SHPRH: variants seen among roughly 807,000 people sequenced by gnomAD.
SHPRH encodes the protein E3 ubiquitin-protein ligase SHPRH.
SHPRH carries 106 observed loss-of-function variants against 202.5 expected under a neutral mutation model. That is an observed-to-expected ratio of 0.52 (90% CI 0.45 to 0.62). The LOEUF (loss-of-function observed/expected upper bound fraction) is 0.62, where lower values mean the gene tolerates loss of function less well. SHPRH is among the 20% of genes least tolerant of loss of function. The pLI, the probability that SHPRH is intolerant of heterozygous loss-of-function variation, is 0.00. For synonymous variants in SHPRH, 729 were observed against 686.0 expected, an observed-to-expected ratio of 1.06 and a Z score of -0.98; for missense variants, 1,710 against 2,020.0, an observed-to-expected ratio of 0.85 and a Z score of 2.94.
chr6:145,867,679 G>A (rs1779863531), intron 2 of SHPRH, among the ~76,000 whole-genome samples: 1 of 130,780 alleles, frequency 7.6e-6, no homozygotes, highest in Admixed American at 7.9e-5. Flanking sequence ...GAGAGGTGAA[G>A]GAAGATTTGA....
intron 25 of SHPRH, chr6:145,908,826 T>C (rs534835072): frequency 6.6e-6 from 1 of 152,324 alleles, no homozygotes; most frequent in East Asian, 1.9e-4. Flanking sequence ...TCTTTGTCCA[T>C]GCCTACGTCC....
intron 25 of SHPRH, chr6:145,906,345 C>T (rs1282049540): frequency 6.6e-6 from 1 of 152,202 alleles, no homozygotes. Flanking sequence ...ATCTTTTCTT[C>T]TCCACCTCAC....
intron 1 of SHPRH, among the ~76,000 whole-genome samples, chr6:145,958,276 A>T (rs958076641): frequency 6.6e-6 from 1 of 152,230 alleles, no homozygotes; most frequent in African/African-American, 2.4e-5. Context: ...TATATACTTT[A>T]AATTGAATTT....
At chr6:145,883,680 T>G (rs1780755533), downstream of SHPRH, 1 of 152,240 alleles carries the variant, frequency 6.6e-6, no homozygotes, top group Admixed American at 6.5e-5. Flanking sequence ...TGAAGAAGTC[T>G]TACTGACTAG....
In SHPRH at chr6:145,943,419, GGT is replaced by G. The variant is rs755413069; in HGVS notation, c.1960_1961del (p.Thr654LeufsTer2). On this transcript the variant is annotated frameshift_variant, in exon 9 of 30. Coordinates refer to ENST00000275233, the MANE Select transcript of SHPRH (RefSeq NM_001042683.3). LOFTEE classifies it high-confidence loss of function. ...PPSNTMSPFN[T>X]SDYRFECICG... is the part of the protein sequence containing the mutation. ...ATATACACTCAAAGCGGTAATCAGAGGTGTTAAAGGGACTCATGGTATTAGAA... is the reference window on the plus strand; with the variant it reads ...ATATACACTCAAAGCGGTAATCAGAGGTTAAAGGGACTCATGGTATTAGAA... 6.2e-7 allele frequency: 1 copy of G among 1,613,988 alleles called. No homozygotes were observed. The highest frequency in any genetic ancestry group is 8.5e-7 in the Non-Finnish European group (1 of 1,179,954).
chr6:145,924,112 C>A (rs1270091120), intron 17 of SHPRH, among the ~76,000 whole-genome samples: 1 of 151,928 alleles, frequency 6.6e-6, no homozygotes, highest in Non-Finnish European at 1.5e-5. Context: ...GTGAAAAGGT[C>A]ACAGGTCTCT....
intron 21 of SHPRH, among the ~76,000 whole-genome samples, chr6:145,919,983 G>T (rs1435996882): frequency 6.6e-6 from 1 of 151,934 alleles, no homozygotes; most frequent in Non-Finnish European, 1.5e-5. Flanking sequence ...CAACCATGGG[G>T]CAACCACTAT....
chr6:145,900,655 A>G (rs763953774), intron 25 of SHPRH, among the ~76,000 whole-genome samples: 6 of 152,128 alleles, frequency 3.9e-5, no homozygotes, highest in Non-Finnish European at 7.4e-5. Context: ...TAGGATCCCC[A>G]TTGGATATCA....
chr6:145,940,249 A>G (rs1165991016), intron 11 of SHPRH, among the ~76,000 whole-genome samples: 2 of 152,184 alleles, frequency 1.3e-5, no homozygotes, highest in Non-Finnish European at 2.9e-5. Flanking sequence ...AATAACTTAT[A>G]TAATTACTAA....
intron 22 of SHPRH, 103 bp downstream of exon 22, chr6:145,919,245 C>CTT: frequency 6.8e-7 from 1 of 1,462,674 alleles, no homozygotes; most frequent in Admixed American, 2.0e-5. Flanking sequence ...TAAATACACA[C>CTT]TTACAGTAGA....
intron 25 of SHPRH, chr6:145,907,927 C>CAA (rs1783120245): frequency 1.3e-5 from 2 of 152,168 alleles, no homozygotes; most frequent in Non-Finnish European, 2.9e-5. Context: ...TACTCCCCTG[C>CAA]CCCAACAAGC....
the SHPRH span, among the ~76,000 whole-genome samples, chr6:145,858,251 G>C: frequency 6.6e-6 from 1 of 152,046 alleles, no homozygotes; most frequent in Non-Finnish European, 1.5e-5. Flanking sequence ...TTTACACAAA[G>C]ACTTATTCAT....
chr6:145,935,362 A>G lies in SHPRH; in HGVS notation c.2649T>C (p.Pro883=). ...GATGCTGAGGATTCTTCTTGCAGTA[A>G]GGCCGATAGAGAAGTCGAACCCACC... is the stretch of plus-strand genomic sequence containing the variant. ...KHWWVRLLYR[P]YCKKNPQHLY... is the part of the protein sequence containing the mutation. The change falls in exon 12 of 30, where the codon CCT becomes CCC. Residue 883 remains proline, a synonymous_variant. Coordinates refer to ENST00000275233, the MANE Select transcript of SHPRH (RefSeq NM_001042683.3). 1 of 1,614,062 alleles carries G rather than the reference A, an allele frequency of 6.2e-7. No homozygotes were observed. Among genetic ancestry groups the G allele is most frequent in the Non-Finnish European group, 8.5e-7 (1 of 1,179,992 alleles).
At chr6:145,883,636 G>A (rs1780751753), downstream of SHPRH, 1 of 152,194 alleles carries the variant, frequency 6.6e-6, no homozygotes, top group Non-Finnish European at 1.5e-5. Context: ...CTTGTAAACA[G>A]AAAATTTTAT....
At chr6:145,880,398 G>A (rs1780507003), downstream of SHPRH, among the ~76,000 whole-genome samples, 1 of 152,102 alleles carries the variant, frequency 6.6e-6, no homozygotes, top group Non-Finnish European at 1.5e-5. Context: ...GGAGGCTGAG[G>A]CAGGAGGATC....
At chr6:145,931,677 T>C (rs1045546119) in intron 14 of SHPRH, among the ~76,000 whole-genome samples, 5 of 152,124 alleles carry the variant, frequency 3.3e-5, no homozygotes, top group African/African-American at 1.2e-4. Flanking sequence ...TTTGGATTAT[T>C]ACCTCTAACT....
chr6:145,929,416 A>G (rs1785207263), intron 14 of SHPRH, among the ~76,000 whole-genome samples: 1 of 152,084 alleles, frequency 6.6e-6, no homozygotes, highest in African/African-American at 2.4e-5. Context: ...TACATATAAT[A>G]TAAGCAAATC....
chr6:145,935,812 T>G (rs1381463130), intron 11 of SHPRH: 1 of 163,390 alleles, frequency 6.1e-6, no homozygotes, highest in Non-Finnish European at 1.3e-5. Context: ...ATGCAAGATT[T>G]GCTGGATTGG....
At position 145,924,038 on chromosome 6, in the gene SHPRH, T is replaced by C. The variant is rs145786496; in HGVS notation, c.3403-253A>G. 7.6e-4 allele frequency among the ~76,000 whole-genome samples: 116 copies of C among 152,010 alleles called. 1 individual carries two copies. The East Asian group carries it at 0.017, about 22-fold the overall frequency. ...TGGGAATTTATTGAATGCATTTATA[T>C]AACAAAGCTGTAACTAAAAAAACTG... On this transcript the variant is annotated intron_variant, in intron 17 of 29. Transcript: ENST00000275233.
Sources: gnomAD v4.1 joint callset for allele counts (sites outside exome capture counted in the v4.1 genomes callset) on GRCh38, gnomAD v4.1.1 for gene constraint, MANE v1.5 for transcripts, NCBI Gene and HGNC (gene_info 2026-07-23, HGNC 2026-07-21) for gene names.